The following PSAP variants were observed in gnomAD, a reference collection of about 807,000 sequenced individuals.
The protein encoded by PSAP is precursor of saposins.
In PSAP, 25 loss-of-function variants were observed where a neutral mutation model predicts 66.0. That is an observed-to-expected ratio of 0.38 (90% CI 0.28 to 0.53). The LOEUF is 0.53. Ranked by LOEUF, PSAP falls within the 20% of genes least tolerant of loss-of-function variation. The probability of loss-of-function intolerance (pLI) is 0.83; values close to 1 mark genes in which losing one functional copy is unlikely to be tolerated. For synonymous variants in PSAP, 273 were observed against 258.9 expected, an observed-to-expected ratio of 1.05 and a Z score of -0.52; for missense variants, 649 against 668.8, an observed-to-expected ratio of 0.97 and a Z score of 0.33.
chr10:71,817,367 C>T lies in PSAP; in HGVS notation c.*74G>A, dbSNP rs1407752486. 19 of 1,451,300 alleles carry T rather than the reference C, an allele frequency of 1.3e-5. No homozygotes were observed. Among genetic ancestry groups the T allele is most frequent in the Non-Finnish European group, 1.7e-5 (18 of 1,031,816 alleles). 89.9% of individuals were successfully genotyped at this position (1,451,300 alleles called of 1,614,324 possible). ...TATAACAAAGTCAAACAGATCTGTG[C>T]GTTCATTCCCCCAGACACACAAGTA... On this transcript the variant is annotated 3_prime_UTR_variant, in exon 14 of 14. Transcript: ENST00000394936.
chr10:71,831,317 G>A, intron 3 of PSAP, 66 bp from the exon 4 acceptor site: 1 of 1,594,110 alleles, frequency 6.3e-7, no homozygotes, highest in Non-Finnish European at 8.5e-7. Flanking sequence ...TGGGCTGAAG[G>A]CAAGAGGCCC....
rs542961299 is a variant in PSAP, at chr10:71,823,805, C to CAT, written c.778-1800_778-1799dup. The CAT allele has an allele frequency of 8.9e-4, 886 of 997,016 alleles. 1 individual carries two copies. The highest frequency in any genetic ancestry group is 1.1e-3 in the Non-Finnish European group (801 of 737,146). 61.8% of individuals were successfully genotyped at this position (997,016 alleles called of 1,614,324 possible). ...ATTCCTTGTATCTGTCAGAGCTAAT[C>CAT]ATGCCATACCCAAAAAAAAAAAAAG... On this transcript the variant is annotated intron_variant, in intron 7 of 13. Coordinates refer to ENST00000394936, the MANE Select transcript of PSAP (RefSeq NM_002778.4).
chr10:71,819,238 C>G (rs1187597779), intron 11 of PSAP, 127 bp from the exon 12 acceptor site: 1 of 1,039,288 alleles, frequency 9.6e-7, no homozygotes, highest in African/African-American at 1.6e-5. Context: ...CCCACTGGGT[C>G]CTGGGGCCTC....
chr10:71,821,739 G>C, intron 8 of PSAP, 137 bp downstream of exon 8: 3 of 1,178,018 alleles, frequency 2.5e-6, no homozygotes, highest in Non-Finnish European at 3.7e-6. Flanking sequence ...ATAAACCAGT[G>C]ATCACAAACT....
chr10:71,834,529 A>C, intron 1 of PSAP, 24 bp from the exon 2 acceptor site: 2 of 1,612,544 alleles, frequency 1.2e-6, no homozygotes, highest in Admixed American at 3.3e-5. Context: ...CAACGTGAGG[A>C]GGTGGCCCAT....
At chr10:71,850,570 C>T (rs1408208887) in intron 1 of PSAP, among the ~76,000 whole-genome samples, 1 of 152,208 alleles carries the variant, frequency 6.6e-6, no homozygotes, top group African/African-American at 2.4e-5. Context: ...TTCTCAGGAC[C>T]TCCTGAGGGC....
chr10:71,822,930 C>T (rs1842334076), intron 7 of PSAP, among the ~76,000 whole-genome samples: 1 of 151,488 alleles, frequency 6.6e-6, no homozygotes, highest in African/African-American at 2.4e-5. Context: ...TACCCTGTCT[C>T]TGCCACACCT....
chr10:71,817,110 G>A lies in PSAP; in HGVS notation c.*331C>T. On this transcript the variant is annotated 3_prime_UTR_variant, in exon 14 of 14. Coordinates refer to ENST00000394936, the MANE Select transcript of PSAP (RefSeq NM_002778.4). Reference sequence around the variant, plus strand: ...CTCAGAACAAGGCCTCAACCAAGAGGGTTGATGGCCTCCAGTCAAGAAACT... The same window carrying A: ...CTCAGAACAAGGCCTCAACCAAGAGAGTTGATGGCCTCCAGTCAAGAAACT... The A allele has an allele frequency of 2.2e-6, 1 of 454,170 alleles. No individual in the cohort carries two copies. Among genetic ancestry groups the A allele is most frequent in the South Asian group, 2.1e-5 (1 of 46,566 alleles). 28.1% of individuals were successfully genotyped at this position (454,170 alleles called of 1,614,324 possible).
Position 71,829,032 on chromosome 10 carries a change from G to C in PSAP, c.421C>G (p.Leu141Val). 1 of 1,614,148 alleles carries C rather than the reference G, an allele frequency of 6.2e-7. No individual in the cohort carries two copies. The highest frequency in any genetic ancestry group is 8.5e-7 in the Non-Finnish European group (1 of 1,180,018). The change falls in exon 5 of 14, where the codon CTC becomes GTC. Residue 141 changes from leucine to valine, a missense_variant. Physicochemically the swap from Leu to Val is conservative, Grantham distance 32 (BLOSUM62 1). Coordinates refer to ENST00000394936, the MANE Select transcript of PSAP (RefSeq NM_002778.4). ...VCSALNLCES[L>V]QKHLAELNHQ... is the part of the protein sequence containing the mutation. ...TTCAGCTCTGCTAGGTGCTTCTGGA[G>C]AGACTCGCAGAGGTTGAGAGCAGAG... is the stretch of plus-strand genomic sequence containing the variant.
intron 1 of PSAP, among the ~76,000 whole-genome samples, chr10:71,844,169 T>G (rs1209541543): frequency 1.3e-5 from 2 of 152,206 alleles, no homozygotes; most frequent in African/African-American, 4.8e-5. Context: ...GGAAACTGAA[T>G]ACGTTATGGA....
At chr10:71,822,741 T>C (rs1391117003) in intron 7 of PSAP, 4 of 409,874 alleles carry the variant, frequency 9.8e-6, no homozygotes, top group Non-Finnish European at 2.0e-5. Context: ...AGCAACTAGC[T>C]CTGAGCCTGA....
intron 6 of PSAP, 70 bp from the exon 7 acceptor site, chr10:71,825,963 C>T: frequency 7.4e-7 from 1 of 1,350,548 alleles, no homozygotes; most frequent in East Asian, 2.3e-5. Flanking sequence ...CAACAAAAAC[C>T]CCCCAGCATT....
rs1208753948 is a variant in PSAP at position 71,819,085 on chromosome 10, C to A, written c.1377G>T (p.Glu459Asp). Reference protein sequence around the residue: ...KQCDQFVAEYEPVLIEILVEV... With the variant: ...KQCDQFVAEYDPVLIEILVEV... ...CCACCAGGATCTCGATCAGCACGGG[C>A]TCGTACTCTGCCACAAACTGATCAC... The change falls in exon 12 of 14, where the codon GAG becomes GAT. Residue 459 changes from glutamate (E) to aspartate (D), a missense_variant. Physicochemically the swap from Glu to Asp is conservative, Grantham distance 45 (BLOSUM62 2). Transcript: ENST00000394936. 1.9e-6 allele frequency: 3 copies of A among 1,614,188 alleles called. No homozygotes were observed. The highest frequency in any genetic ancestry group is 2.5e-6 in the Non-Finnish European group (3 of 1,180,000).
rs1842634539 is a variant in PSAP at position 71,836,703 on chromosome 10, T to TA, written c.41-2199dup. Among the ~76,000 whole-genome samples, 2 of 152,242 alleles carry TA rather than the reference T, an allele frequency of 1.3e-5. 1 individual carries two copies. Among genetic ancestry groups the TA allele is most frequent in the South Asian group, 4.1e-4 (2 of 4,830 alleles). ...GCAAGTGACCAGCACCCCCGATTCT[T>TA]AAAAATGCTCATCCAGTGTAATGTC... On this transcript the variant is annotated intron_variant, in intron 1 of 13. Transcript: ENST00000394936.
chr10:71,817,994 T>C (rs1842210042), intron 13 of PSAP, among the ~76,000 whole-genome samples: 1 of 152,130 alleles, frequency 6.6e-6, no homozygotes, highest in Non-Finnish European at 1.5e-5. Context: ...CTCCCTGCAG[T>C]GGTCCGAAAT....
intron 6 of PSAP, among the ~76,000 whole-genome samples, chr10:71,826,790 C>T (rs1013371902): frequency 6.6e-6 from 1 of 151,876 alleles, no homozygotes; most frequent in African/African-American, 2.4e-5. Flanking sequence ...GCCGGCCACT[C>T]CACCCAAAAA....
rs1327390670 is a variant in PSAP, at chr10:71,851,185, C to A, written c.37G>T (p.Ala13Ser). The A allele has an allele frequency of 4.5e-6, 7 of 1,550,962 alleles. No individual in the cohort carries two copies. In the Admixed American group the frequency reaches 1.4e-4, roughly 30 times the overall value. ...GGATGAGGGTCCCAGGGCTTACCCGCGCCCAGGAGGCTGGCCAGGAGGAAG... is the reference window on the plus strand; with the variant it reads ...GGATGAGGGTCCCAGGGCTTACCCGAGCCCAGGAGGCTGGCCAGGAGGAAG... Reference protein sequence around the residue: ...ALFLLASLLGAALAGPVLGLK... With the variant: ...ALFLLASLLGSALAGPVLGLK... Residue 13 changes from alanine (A) to serine (S), a missense_variant, in exon 1 of 14, where the codon GCG becomes TCG. Coordinates refer to ENST00000394936, the MANE Select transcript of PSAP (RefSeq NM_002778.4).
intron 1 of PSAP, among the ~76,000 whole-genome samples, chr10:71,850,840 C>T (rs541701427): frequency 8.9e-4 from 135 of 152,336 alleles, no homozygotes; most frequent in Non-Finnish European, 1.4e-3. Flanking sequence ...ACACAGCTGC[C>T]CAAGGGGTCA....
chr10:71,819,148 G>A (rs772916785), intron 11 of PSAP, 37 bp from the exon 12 acceptor site: 2 of 1,566,844 alleles, frequency 1.3e-6, no homozygotes, highest in Non-Finnish European at 8.8e-7. Flanking sequence ...CCAGCTCTGG[G>A]GGTGTCCGAG....
Sources: gnomAD v4.1 joint callset for allele counts (sites outside exome capture counted in the v4.1 genomes callset) on GRCh38, gnomAD v4.1.1 for gene constraint, MANE v1.5 for transcripts, NCBI Gene and HGNC (gene_info 2026-07-23, HGNC 2026-07-21) for gene names.